The following ZNF320 variants were observed in gnomAD, a reference collection of about 807,000 sequenced individuals.
ZNF320 encodes the protein zinc finger gene 320.
ZNF320 carries 2 observed loss-of-function variants against 6.8 expected under a neutral mutation model. The ratio of observed to expected loss-of-function variants is 0.29; its 90% CI spans 0.12 to 0.93. ZNF320 has a LOEUF of 0.93. Among genes scored for constraint, ZNF320 ranks in the 40% least tolerant of loss-of-function variants. The probability of loss-of-function intolerance (pLI) is 0.55; values close to 1 mark genes in which losing one functional copy is unlikely to be tolerated. For synonymous variants in ZNF320, 208 were observed against 203.2 expected, an observed-to-expected ratio of 1.02 and a Z score of -0.20; for missense variants, 472 against 611.0, an observed-to-expected ratio of 0.77 and a Z score of 2.40.
upstream of ZNF320, among the ~76,000 whole-genome samples, chr19:52,900,740 G>T (rs966010411): frequency 3.3e-5 from 5 of 151,628 alleles, no homozygotes; most frequent in African/African-American, 7.3e-5. Context: ...GGGTCTGATG[G>T]GTTTGTGATT....
chr19:52,873,271 G>A (rs1232384166), downstream of ZNF320, among the ~76,000 whole-genome samples: 1 of 152,196 alleles, frequency 6.6e-6, no homozygotes, highest in East Asian at 1.9e-4. Flanking sequence ...GTCTCCATTG[G>A]GGGAAACCTG....
At chr19:52,900,407 T>A (rs888328949), upstream of ZNF320, among the ~76,000 whole-genome samples, 1 of 152,196 alleles carries the variant, frequency 6.6e-6, no homozygotes, top group Non-Finnish European at 1.5e-5. Flanking sequence ...GTGGTTCTTT[T>A]GGGCTGGGAA....
chr19:52,893,893 C>T (rs560257249), intron 1 of ZNF320, 37 bp from the exon 2 acceptor site: 2 of 151,816 alleles, frequency 1.3e-5, no homozygotes, highest in East Asian at 3.9e-4. Flanking sequence ...CCTCCACCCC[C>T]CAAAAAGTTG....
At chr19:52,867,420 A>T (rs1244834563) in intron 5 of ZNF320, among the ~76,000 whole-genome samples, 1 of 150,376 alleles carries the variant, frequency 6.6e-6, no homozygotes, top group East Asian at 2.0e-4. Flanking sequence ...CTGGTCTTGA[A>T]CTCCTGACCT....
upstream of ZNF320, among the ~76,000 whole-genome samples, chr19:52,898,772 C>CG (rs1426342383): frequency 6.6e-6 from 1 of 152,156 alleles, no homozygotes; most frequent in Non-Finnish European, 1.5e-5. Context: ...CAGAACAGAG[C>CG]GGGGAGTTTT....
chr19:52,901,417 G>A (rs1358656385), upstream of ZNF320, among the ~76,000 whole-genome samples: 2 of 152,120 alleles, frequency 1.3e-5, no homozygotes, highest in Non-Finnish European at 1.5e-5. Context: ...GTCAGCTTCC[G>A]GGTGTGACTG....
upstream of ZNF320, chr19:52,897,670 C>G (rs1387319581): frequency 6.6e-6 from 1 of 152,518 alleles, no homozygotes; most frequent in Non-Finnish European, 1.5e-5. Flanking sequence ...GACCTTCAGT[C>G]CCTGCCATCC....
chr19:52,881,453 C>G lies in ZNF320; in HGVS notation c.673G>C (p.Val225Leu), dbSNP rs192109936. Residue 225 changes from valine (V) to leucine (L), a missense_variant, in exon 6 of 6, where the codon GTT becomes CTT. Physicochemically the swap from Val to Leu is conservative, Grantham distance 32 (BLOSUM62 1). Transcript: ENST00000682928. ...KHYTCNECGKVFDQKATLACH... is the reference protein window; with the variant it reads ...KHYTCNECGKLFDQKATLACH... Reference sequence around the variant, plus strand: ...GCAAGGGTTGCTTTTTGATCAAAAACCTTGCCACATTCATTACATGTGTAA... The same window carrying G: ...GCAAGGGTTGCTTTTTGATCAAAAAGCTTGCCACATTCATTACATGTGTAA... The G allele has an allele frequency of 6.2e-7, 1 of 1,614,122 alleles. No homozygotes were observed. The highest frequency in any genetic ancestry group is 8.5e-7 in the Non-Finnish European group (1 of 1,180,028).
Position 52,887,005 on chromosome 19 carries a change from G to A in ZNF320, c.142+1122C>T, listed in dbSNP as rs537206672. Among the ~76,000 whole-genome samples the A allele has an allele frequency of 1.1e-3, 80 of 72,094 alleles. 1 individual carries two copies. Among genetic ancestry groups the A allele is most frequent in the African/African-American group, 3.5e-3 (63 of 17,962 alleles). The allele number at this position is 72,094 out of a possible 152,430, so 47.3% of individuals were successfully genotyped here. ...AGGAAGGAAGGAAGGAAGGAAGGAA[G>A]GAAAAGAAAAAACAAAACAAAAGAA... On this transcript the variant is annotated intron_variant, in intron 5 of 5. Coordinates refer to ENST00000682928, the MANE Select transcript of ZNF320 (RefSeq NM_001351774.2).
chr19:52,898,228 T>A (rs1446527202), upstream of ZNF320, among the ~76,000 whole-genome samples: 1 of 152,096 alleles, frequency 6.6e-6, no homozygotes, highest in Non-Finnish European at 1.5e-5. Flanking sequence ...GGTGGGAGAA[T>A]CCACCCTGTG....
chr19:52,889,332 C>T (rs537126394), intron 4 of ZNF320, among the ~76,000 whole-genome samples: 80 of 152,142 alleles, frequency 5.3e-4, no homozygotes, highest in African/African-American at 1.7e-3. Context: ...GAATCAATTA[C>T]CCTTTTAACT....
chr19:52,898,735 A>G (rs754764455), upstream of ZNF320, among the ~76,000 whole-genome samples: 3 of 152,206 alleles, frequency 2.0e-5, no homozygotes, highest in South Asian at 2.1e-4. Context: ...GTGACAGGGG[A>G]TGCATGCACC....
chr19:52,876,599 G>A lies in ZNF320; in HGVS notation c.*3997C>T, dbSNP rs2063773219. 2 of 152,124 alleles carry A rather than the reference G, an allele frequency of 1.3e-5. No individual in the cohort carries two copies. Among genetic ancestry groups the A allele is most frequent in the Admixed American group, 1.3e-4 (2 of 15,250 alleles). 9.4% of individuals were successfully genotyped at this position (152,124 alleles called of 1,614,324 possible). ...TGCAACCTCCGCCTCCCGAATTCAAGCCATTCTTCTGCCTCACCCTCCTGA... is the reference window on the plus strand; with the variant it reads ...TGCAACCTCCGCCTCCCGAATTCAAACCATTCTTCTGCCTCACCCTCCTGA... On this transcript the variant is annotated 3_prime_UTR_variant, in exon 6 of 6. Coordinates refer to ENST00000682928, the MANE Select transcript of ZNF320 (RefSeq NM_001351774.2).
rs1435798314 is a variant in ZNF320, at chr19:52,880,801, T to G, written c.1325A>C (p.Lys442Thr). 6.2e-7 allele frequency: 1 copy of G among 1,613,816 alleles called. No individual in the cohort carries two copies. Among genetic ancestry groups the G allele is most frequent in the East Asian group, 2.2e-5 (1 of 44,890 alleles). Residue 442 changes from lysine (K) to threonine (T), a missense_variant, in exon 6 of 6, where the codon AAG becomes ACG. By Grantham distance (78) the Lys-to-Thr change is moderately conservative. Transcript: ENST00000682928. ...AAAGGCTTTACCACAATCACCACAC[T>G]TGTGAGGTTTCTCTCCTGTATGAAT... ...RRIHTGEKPH[K>T]CGDCGKAFNS...
upstream of ZNF320, among the ~76,000 whole-genome samples, chr19:52,898,921 G>A (rs748736552): frequency 2.0e-5 from 3 of 152,188 alleles, no homozygotes; most frequent in Admixed American, 6.5e-5. Context: ...CCTGTCTTTG[G>A]TTTTACTTTC....
In ZNF320 at chr19:52,876,705, C is replaced by T. The variant is rs2063776579; in HGVS notation, c.*3891G>A. ...CAAAACGAGGATTCGCCATGTTAGC[C>T]AGGCTGTTCTCAAATACTTGATCTC... is the stretch of plus-strand genomic sequence containing the variant. On this transcript the variant is annotated 3_prime_UTR_variant, in exon 6 of 6. Coordinates refer to ENST00000682928, the MANE Select transcript of ZNF320 (RefSeq NM_001351774.2). The T allele has an allele frequency of 6.6e-6, 1 of 152,236 alleles. No homozygotes were observed. Among genetic ancestry groups the T allele is most frequent in the Non-Finnish European group, 1.5e-5 (1 of 68,074 alleles). 9.4% of individuals were successfully genotyped at this position (152,236 alleles called of 1,614,324 possible). A position where few individuals can be genotyped will look rare whatever the true frequency, so the allele number is the denominator to read the frequency against.
chr19:52,899,515 T>G (rs2064561124), upstream of ZNF320, among the ~76,000 whole-genome samples: 1 of 152,114 alleles, frequency 6.6e-6, no homozygotes, highest in Non-Finnish European at 1.5e-5. Context: ...CAGGCTGGAG[T>G]GCAGTGGTGC....
At chr19:52,873,232 T>C (rs919685921), downstream of ZNF320, among the ~76,000 whole-genome samples, 5 of 152,242 alleles carry the variant, frequency 3.3e-5, no homozygotes, top group African/African-American at 1.2e-4. Flanking sequence ...GTAAGGTCTT[T>C]CCCTTCCCAT....
intron 5 of ZNF320, among the ~76,000 whole-genome samples, chr19:52,882,522 C>T (rs1405456613): frequency 6.6e-6 from 1 of 152,172 alleles, no homozygotes; most frequent in East Asian, 1.9e-4. Context: ...GTAGCCCACC[C>T]TGTCGTCCCA....
Sources: gnomAD v4.1 joint callset for allele counts (sites outside exome capture counted in the v4.1 genomes callset) on GRCh38, gnomAD v4.1.1 for gene constraint, MANE v1.5 for transcripts, NCBI Gene and HGNC (gene_info 2026-07-23, HGNC 2026-07-21) for gene names.